MTUS1: variants seen among roughly 807,000 people sequenced by gnomAD.
The protein encoded by MTUS1 is microtubule associated scaffold protein 1.
Under a neutral mutation model 120.8 loss-of-function variants are expected in MTUS1, and 109 were observed. That is an observed-to-expected ratio of 0.90 (90% CI 0.77 to 1.06). MTUS1 has a LOEUF of 1.06. Among genes scored for constraint, MTUS1 ranks in the 50% least tolerant of loss-of-function variants. MTUS1 has a pLI of 0.00. For missense variants in MTUS1, 2,210 were observed against 1,486.3 expected, an observed-to-expected ratio of 1.49 and a Z score of -8.01; for synonymous variants, 737 against 550.5, an observed-to-expected ratio of 1.34 and a Z score of -4.74.
chr8:17,689,297 C>T (rs6988084), intron 6 of MTUS1, among the ~76,000 whole-genome samples: 3,483 of 152,222 alleles, frequency 0.023, 138 homozygotes, highest in African/African-American at 0.077. Flanking sequence ...GATGCCTCAC[C>T]ATTTAAACTT....
At chr8:17,740,164 C>T (rs1000737145) in intron 3 of MTUS1, among the ~76,000 whole-genome samples, 1 of 151,474 alleles carries the variant, frequency 6.6e-6, no homozygotes, top group Non-Finnish European at 1.5e-5. Context: ...TCCGAGATTG[C>T]ACCATTGCAC....
chr8:17,713,343 ACAAT>A (rs1300815524), intron 5 of MTUS1, 91 bp from the exon 6 acceptor site: 21 of 836,064 alleles, frequency 2.5e-5, no homozygotes, highest in Non-Finnish European at 3.9e-5. Flanking sequence ...ATTTTCAAAA[ACAAT>A]CAATCGCTAC....
At chr8:17,744,684 GTTTTC>G (rs2047601914) in intron 2 of MTUS1, among the ~76,000 whole-genome samples, 2 of 103,672 alleles carry the variant, frequency 1.9e-5, no homozygotes, top group African/African-American at 7.4e-5. Context: ...GTTTCACCAT[GTTTTC>G]TTTTTTTTTT....
chr8:17,692,455 C>T (rs73666309), intron 6 of MTUS1, among the ~76,000 whole-genome samples: 5,555 of 152,244 alleles, frequency 0.036, 351 homozygotes, highest in African/African-American at 0.13. Context: ...CTCAAAGCTG[C>T]TTTTCTTCAG....
At chr8:17,730,585 C>T (rs1229152702) in intron 3 of MTUS1, among the ~76,000 whole-genome samples, 1 of 151,828 alleles carries the variant, frequency 6.6e-6, no homozygotes, top group Non-Finnish European at 1.5e-5. Context: ...GGAAGCAACC[C>T]TACTGTTCAC....
chr8:17,686,428 A>C (rs991733573), intron 6 of MTUS1, among the ~76,000 whole-genome samples: 3 of 152,260 alleles, frequency 2.0e-5, no homozygotes, highest in Non-Finnish European at 4.4e-5. Flanking sequence ...ATAACTTTAT[A>C]AACAAAAATG....
chr8:17,767,877 G>C (rs145381245), intron 1 of MTUS1, among the ~76,000 whole-genome samples: 4 of 152,172 alleles, frequency 2.6e-5, no homozygotes, highest in South Asian at 2.1e-4. Flanking sequence ...CTGATGCTTC[G>C]AATTGGCTAA....
intron 3 of MTUS1, among the ~76,000 whole-genome samples, chr8:17,732,594 C>A (rs2046662194): frequency 6.6e-6 from 1 of 152,188 alleles, no homozygotes; most frequent in Admixed American, 6.5e-5. Context: ...GACCAGATTT[C>A]TCCCACGCAC....
chr8:17,743,023 C>A (rs79592234), intron 3 of MTUS1, among the ~76,000 whole-genome samples: 1,892 of 151,314 alleles, frequency 0.013, 35 homozygotes, highest in African/African-American at 0.044. Flanking sequence ...CAGATCTGTA[C>A]GTCCGCCAAA....
chr8:17,750,214 A>T (rs927976307), intron 2 of MTUS1, among the ~76,000 whole-genome samples: 4 of 152,228 alleles, frequency 2.6e-5, no homozygotes, highest in African/African-American at 9.6e-5. Context: ...ATCACCCATG[A>T]GAACAGCTGG....
intron 6 of MTUS1, among the ~76,000 whole-genome samples, chr8:17,711,303 T>A (rs2131000040): frequency 1.3e-5 from 2 of 152,356 alleles, no homozygotes; most frequent in South Asian, 4.1e-4. Context: ...TGTCTGTTGT[T>A]TTGTGTAGCC....
At chr8:17,657,474 A>G (rs1382639838) in intron 8 of MTUS1, among the ~76,000 whole-genome samples, 2 of 150,180 alleles carry the variant, frequency 1.3e-5, no homozygotes, top group East Asian at 2.0e-4. Flanking sequence ...AGGCTGAGGC[A>G]GGAGAATGGC....
At chr8:17,661,185 G>A (rs1026948292) in intron 8 of MTUS1, among the ~76,000 whole-genome samples, 5 of 152,118 alleles carry the variant, frequency 3.3e-5, no homozygotes, top group Non-Finnish European at 7.4e-5. Context: ...GGCTCCTCGT[G>A]TGAATCTCGT....
chr8:17,798,574 C>A (rs576243521), intron 1 of MTUS1, among the ~76,000 whole-genome samples: 1 of 152,176 alleles, frequency 6.6e-6, no homozygotes, highest in East Asian at 1.9e-4. Context: ...CCTCCTGATC[C>A]GCCCGCCTTG....
intron 10 of MTUS1, chr8:17,654,329 C>T: frequency 3.7e-6 from 2 of 547,068 alleles, no homozygotes; most frequent in Non-Finnish European, 6.5e-6. Context: ...TTACAGTCTT[C>T]CAAAGCCCAT....
At chr8:17,741,466 T>C (rs1586084429) in intron 3 of MTUS1, among the ~76,000 whole-genome samples, 1 of 152,338 alleles carries the variant, frequency 6.6e-6, no homozygotes, top group East Asian at 1.9e-4. Flanking sequence ...AATTAGTTTT[T>C]AACTCAGACT....
chr8:17,731,409 T>G (rs1437517133), intron 3 of MTUS1, among the ~76,000 whole-genome samples: 1 of 152,138 alleles, frequency 6.6e-6, no homozygotes, highest in Non-Finnish European at 1.5e-5. Context: ...TTAAATGAAT[T>G]TATAATTTTA....
In MTUS1 at chr8:17,754,108, G is replaced by C. The variant is rs756059902; in HGVS notation, c.1700C>G (p.Ala567Gly). ...ATGTGTCTTGTTAATTAGAATTTCT[G>C]CTTTTTTGTCTGCATTCAAGTCAGA... Reference protein sequence around the residue: ...PRSDLNADKKAEILINKTHKQ... With the variant: ...PRSDLNADKKGEILINKTHKQ... The change falls in exon 2 of 15, where the codon GCA becomes GGA. Residue 567 changes from alanine (A) to glycine (G), a missense_variant. Physicochemically the swap from Ala to Gly is moderately conservative, Grantham distance 60. Transcript: ENST00000693296. The C allele has an allele frequency of 5.6e-6, 9 of 1,613,738 alleles. No homozygotes were observed. Among genetic ancestry groups the C allele is most frequent in the Non-Finnish European group, 7.6e-6 (9 of 1,179,984 alleles).
chr8:17,779,656 C>G (rs2050718061), intron 1 of MTUS1, among the ~76,000 whole-genome samples: 1 of 152,182 alleles, frequency 6.6e-6, no homozygotes, highest in Admixed American at 6.5e-5. Context: ...CGGGAATCAA[C>G]CTTAAAGAAG....
Sources: gnomAD v4.1 joint callset for allele counts (sites outside exome capture counted in the v4.1 genomes callset) on GRCh38, gnomAD v4.1.1 for gene constraint, MANE v1.5 for transcripts, NCBI Gene and HGNC (gene_info 2026-07-23, HGNC 2026-07-21) for gene names.